The following KIF18A variants were observed in gnomAD, a reference collection of about 807,000 sequenced individuals.
The protein encoded by KIF18A is kinesin family member 18A.
A neutral mutation model predicts 103.3 loss-of-function variants in KIF18A; 67 were observed. That is an observed-to-expected ratio of 0.65 (90% CI 0.53 to 0.79). The LOEUF (loss-of-function observed/expected upper bound fraction) is 0.79, where lower values mean the gene tolerates loss of function less well. KIF18A is among the 30% of genes least tolerant of loss of function. The pLI is 0.00. For missense variants in KIF18A, 1,032 were observed against 1,062.5 expected (o/e 0.97, Z 0.40); for synonymous variants, 367 against 355.5 (o/e 1.03, Z -0.36).
At chr11:28,025,833 C>A (rs1426346966) in intron 15 of KIF18A, among the ~76,000 whole-genome samples, 1 of 151,866 alleles carries the variant, frequency 6.6e-6, no homozygotes, top group Non-Finnish European at 1.5e-5. Context: ...AAGAATTAAC[C>A]TTTTGCTCCC....
intron 10 of KIF18A, among the ~76,000 whole-genome samples, chr11:28,073,089 A>G (rs1851041866): frequency 6.6e-6 from 1 of 152,052 alleles, no homozygotes; most frequent in Non-Finnish European, 1.5e-5. Context: ...TTCCCAATCT[A>G]TTGTTAATAA....
intron 1 of KIF18A, among the ~76,000 whole-genome samples, chr11:28,098,335 C>A (rs141874803): frequency 1.2e-3 from 188 of 152,272 alleles, no homozygotes; most frequent in African/African-American, 4.3e-3. Context: ...ATATGCTATC[C>A]TAAAACCCAG....
At chr11:28,070,151 G>C (rs1212523149) in intron 10 of KIF18A, among the ~76,000 whole-genome samples, 14 of 152,088 alleles carry the variant, frequency 9.2e-5, no homozygotes, top group Non-Finnish European at 1.9e-4. Context: ...GGGTAGACCT[G>C]AAACAGTGGA....
rs968102801 is a variant in KIF18A, at chr11:28,062,527, C to T, written c.1591-11G>A. 4 of 1,602,912 alleles carry T rather than the reference C, an allele frequency of 2.5e-6. No individual in the cohort carries two copies. The Admixed American group carries it at 5.1e-5, about 20-fold the overall frequency. ...ATCTTTCTTGAGTTCCTAGGGCAAACAATACAAAATGTACTTCAGATCACT... is the reference window on the plus strand; with the variant it reads ...ATCTTTCTTGAGTTCCTAGGGCAAATAATACAAAATGTACTTCAGATCACT... On this transcript the variant is annotated splice_polypyrimidine_tract_variant and intron_variant, in intron 11 of 16. Coordinates refer to ENST00000263181, the MANE Select transcript of KIF18A (RefSeq NM_031217.4).
In KIF18A at chr11:28,095,603, T is replaced by C. The variant is rs368798608; in HGVS notation, c.326-803A>G. Reference sequence around the variant, plus strand: ...AGCAGGTACTTGAATAAATACCAGATAGATGCCATTTATAAGATTCCTTTT... The same window carrying C: ...AGCAGGTACTTGAATAAATACCAGACAGATGCCATTTATAAGATTCCTTTT... On this transcript the variant is annotated intron_variant, in intron 2 of 16. Transcript: ENST00000263181. Among the ~76,000 whole-genome samples, 127 of 152,330 alleles carry C rather than the reference T, an allele frequency of 8.3e-4. No homozygotes were observed. In the Middle Eastern group the frequency reaches 0.017, roughly 20 times the overall value.
intron 10 of KIF18A, among the ~76,000 whole-genome samples, chr11:28,071,029 A>G (rs895341951): frequency 1.3e-5 from 2 of 152,160 alleles, no homozygotes; most frequent in Non-Finnish European, 2.9e-5. Context: ...TGATTGTGCC[A>G]CTGCACTCTA....
chr11:28,104,787 A>G (rs1851485548), intron 1 of KIF18A, among the ~76,000 whole-genome samples: 2 of 152,188 alleles, frequency 1.3e-5, no homozygotes. Context: ...TGAATAAATG[A>G]ATGAATAAAC....
At chr11:28,096,877 T>C (rs1851382453) in intron 2 of KIF18A, among the ~76,000 whole-genome samples, 1 of 150,426 alleles carries the variant, frequency 6.6e-6, no homozygotes, top group Non-Finnish European at 1.5e-5. Context: ...TCTCTCTCTC[T>C]CTCTCTTTTT....
At chr11:28,054,886 T>C (rs1850758465) in intron 13 of KIF18A, among the ~76,000 whole-genome samples, 1 of 152,214 alleles carries the variant, frequency 6.6e-6, no homozygotes, top group Non-Finnish European at 1.5e-5. Context: ...AAGTAAATTC[T>C]TTTGTTTTAT....
intron 13 of KIF18A, among the ~76,000 whole-genome samples, chr11:28,057,667 TA>T (rs939217399): frequency 4.3e-4 from 64 of 149,050 alleles, no homozygotes; most frequent in South Asian, 2.1e-3. Context: ...CATGATGCAT[TA>T]AAAAAAAAAT....
chr11:28,057,616 T>C (rs1364980034), intron 13 of KIF18A, among the ~76,000 whole-genome samples: 2 of 152,058 alleles, frequency 1.3e-5, no homozygotes, highest in Non-Finnish European at 2.9e-5. Context: ...GTTACTCTCA[T>C]GGGTACTAAG....
At chr11:28,070,879 C>T (rs563857713) in intron 10 of KIF18A, among the ~76,000 whole-genome samples, 1 of 152,120 alleles carries the variant, frequency 6.6e-6, no homozygotes, top group Admixed American at 6.5e-5. Flanking sequence ...TGTCTCCACA[C>T]AAAAATTAAA....
At position 28,036,489 on chromosome 11, in the gene KIF18A, T is replaced by C. The variant is rs1850492386; in HGVS notation, c.2124A>G (p.Glu708=). 6.2e-7 allele frequency: 1 copy of C among 1,611,272 alleles called. No individual in the cohort carries two copies. Among genetic ancestry groups the C allele is most frequent in the Non-Finnish European group, 8.5e-7 (1 of 1,178,298 alleles). Reference sequence around the variant, plus strand: ...GATTTTGAAAAGCTTTTCTACAGTCTTCTGGTGTATATACAATAGGCTGAA... The same window carrying C: ...GATTTTGAAAAGCTTTTCTACAGTCCTCTGGTGTATATACAATAGGCTGAA... ...KELQPIVYTP[E]DCRKAFQNPS... is the part of the protein sequence containing the mutation. The change falls in exon 14 of 17, where the codon GAA becomes GAG. Residue 708 remains glutamate (E), a synonymous_variant. Coordinates refer to ENST00000263181, the MANE Select transcript of KIF18A (RefSeq NM_031217.4).
In KIF18A at chr11:28,062,406, C is replaced by A. The variant is rs1850866907; in HGVS notation, c.1701G>T (p.Arg567Ser). 1 of 1,607,306 alleles carries A rather than the reference C, an allele frequency of 6.2e-7. No homozygotes were observed. The highest frequency in any genetic ancestry group is 8.5e-7 in the Non-Finnish European group (1 of 1,176,468). Reference sequence around the variant, plus strand: ...ATGTATGTACTCACGCTTCAGTCTGCCTGTGTTGCTGTTCCTGAAGACAAG... The same window carrying A: ...ATGTATGTACTCACGCTTCAGTCTGACTGTGTTGCTGTTCCTGAAGACAAG... ...DLACLQEQQH[R>S]QTEAVLNALL... The change falls in exon 12 of 17, where the codon AGG becomes AGT. Residue 567 changes from arginine to serine, a missense_variant. Coordinates refer to ENST00000263181, the MANE Select transcript of KIF18A (RefSeq NM_031217.4).
intron 15 of KIF18A, among the ~76,000 whole-genome samples, chr11:28,026,114 T>C (rs1429712357): frequency 6.6e-6 from 1 of 151,858 alleles, no homozygotes; most frequent in Non-Finnish European, 1.5e-5. Context: ...TTTGATAGGC[T>C]AATCAATTTA....
chr11:28,044,366 C>A (rs1850601790), intron 13 of KIF18A, among the ~76,000 whole-genome samples: 1 of 152,050 alleles, frequency 6.6e-6, no homozygotes, highest in South Asian at 2.1e-4. Flanking sequence ...AGATGGACAT[C>A]TGTAGGTTCC....
chr11:28,035,664 T>C (rs559184738), intron 14 of KIF18A, among the ~76,000 whole-genome samples, 170 bp from the exon 15 acceptor site: 1 of 151,750 alleles, frequency 6.6e-6, no homozygotes, highest in Non-Finnish European at 1.5e-5. Context: ...TTCTTTTCTC[T>C]TTATAACACA....
chr11:28,069,728 G>C, intron 10 of KIF18A, among the ~76,000 whole-genome samples: 1 of 151,610 alleles, frequency 6.6e-6, no homozygotes, highest in African/African-American at 2.4e-5. Flanking sequence ...AGTCCCTTCA[G>C]TATGTTTCAT....
At position 28,097,990 on chromosome 11, in the gene KIF18A, T is replaced by G; in HGVS notation, c.-43A>C. ...CCTATCTGTATAAATACTTGAATACTTCTCTGAAATTAAAAAAGAAAATAA... is the reference window on the plus strand; with the variant it reads ...CCTATCTGTATAAATACTTGAATACGTCTCTGAAATTAAAAAAGAAAATAA... On this transcript the variant is annotated 5_prime_UTR_variant, in exon 2 of 17. Coordinates refer to ENST00000263181, the MANE Select transcript of KIF18A (RefSeq NM_031217.4). 2 of 1,346,968 alleles carry G rather than the reference T, an allele frequency of 1.5e-6. No individual in the cohort carries two copies. Among genetic ancestry groups the G allele is most frequent in the Non-Finnish European group, 2.0e-6 (2 of 992,626 alleles). The allele number at this position is 1,346,968 out of a possible 1,614,324, so 83.4% of individuals were successfully genotyped here.
Sources: gnomAD v4.1 joint callset for allele counts (sites outside exome capture counted in the v4.1 genomes callset) on GRCh38, gnomAD v4.1.1 for gene constraint, MANE v1.5 for transcripts, NCBI Gene and HGNC (gene_info 2026-07-23, HGNC 2026-07-21) for gene names.